The following DGKG variants were observed in gnomAD, a reference collection of about 807,000 sequenced individuals.
DGKG encodes DAG kinase gamma.
A neutral mutation model predicts 105.3 loss-of-function variants in DGKG; 78 were observed. The observed-to-expected ratio is 0.74, with a 90% CI of 0.62 to 0.89. The LOEUF is 0.89. Ranked by LOEUF, DGKG falls within the 40% of genes least tolerant of loss-of-function variation. The probability of loss-of-function intolerance (pLI) is 0.00; values close to 1 mark genes in which losing one functional copy is unlikely to be tolerated. For synonymous variants in DGKG, 346 were observed against 367.1 expected (o/e 0.94, Z 0.66); for missense variants, 958 against 1,020.1 (o/e 0.94, Z 0.83).
At position 186,161,604 on chromosome 3, in the gene DGKG, G is replaced by A. The variant is rs199753031; in HGVS notation, c.2276C>T (p.Thr759Met). 1.8e-5 allele frequency: 29 copies of A among 1,614,166 alleles called. No homozygotes were observed. Among genetic ancestry groups the A allele is most frequent in the Middle Eastern group, 3.3e-4 (2 of 6,062 alleles). Residue 759 changes from threonine to methionine, a missense_variant and splice_region_variant, in exon 24 of 25, where the codon ACG becomes ATG. Coordinates refer to ENST00000265022, the MANE Select transcript of DGKG (RefSeq NM_001346.3). The part of the protein sequence containing the change: ...DGEPWMQPCC[T>M]IKITHKNQAP... The stretch of plus-strand genomic sequence containing the variant: ...ATCTCAAAGATTGGCAAGACTCACC[G>A]TGCAACATGGCTGCATCCAGGGTTC...
rs1321822755 is a variant in DGKG at position 186,227,726 on chromosome 3, G to A, written c.1826+14778C>T. 2.0e-5 allele frequency among the ~76,000 whole-genome samples: 3 copies of A among 152,098 alleles called. No homozygotes were observed. The East Asian group carries it at 5.8e-4, about 29-fold the overall frequency. ...AGTGGGGAGTTAAAATTAATCACTT[G>A]AATCTTTTTTGAGAACATCTATTAC... On this transcript the variant is annotated intron_variant, in intron 20 of 24. Coordinates refer to ENST00000265022, the MANE Select transcript of DGKG (RefSeq NM_001346.3).
chr3:186,316,876 G>A (rs188888197), intron 2 of DGKG, among the ~76,000 whole-genome samples: 11 of 152,310 alleles, frequency 7.2e-5, no homozygotes, highest in Admixed American at 2.6e-4. Flanking sequence ...AATGCAATCC[G>A]ACTGAACACC....
At chr3:186,235,812 C>T (rs776143934) in intron 20 of DGKG, among the ~76,000 whole-genome samples, 13 of 152,078 alleles carry the variant, frequency 8.5e-5, no homozygotes, top group Admixed American at 6.6e-4. Flanking sequence ...AAGAAGTATC[C>T]GTGAGGGAGG....
intron 20 of DGKG, among the ~76,000 whole-genome samples, chr3:186,221,809 T>C (rs1719594747): frequency 6.6e-6 from 1 of 152,194 alleles, no homozygotes; most frequent in South Asian, 2.1e-4. Flanking sequence ...AAGGTGGAAC[T>C]GTCTGGAGGA....
intron 1 of DGKG, among the ~76,000 whole-genome samples, chr3:186,355,359 TACC>T (rs1419704390): frequency 1.7e-5 from 1 of 60,368 alleles, no homozygotes; most frequent in Admixed American, 2.1e-4. Context: ...ACACTACTCC[TACC>T]ACCATGATCA....
intron 1 of DGKG, among the ~76,000 whole-genome samples, chr3:186,340,884 CT>C: frequency 6.6e-6 from 1 of 152,220 alleles, no homozygotes; most frequent in African/African-American, 2.4e-5. Context: ...CATTAAATTC[CT>C]TGTAACAGCA....
chr3:186,304,094 A>G (rs1211631265), intron 3 of DGKG, among the ~76,000 whole-genome samples: 1 of 152,194 alleles, frequency 6.6e-6, no homozygotes, highest in Non-Finnish European at 1.5e-5. Context: ...GCGTGCTCAT[A>G]GCAGCCAAGC....
chr3:186,240,894 G>A (rs963456077), intron 20 of DGKG, among the ~76,000 whole-genome samples: 1 of 151,944 alleles, frequency 6.6e-6, no homozygotes, highest in East Asian at 1.9e-4. Flanking sequence ...TTAAAAAAGT[G>A]GTTTGTGTGT....
intron 9 of DGKG, 133 bp from the exon 10 acceptor site, chr3:186,275,797 A>T: frequency 1.6e-6 from 1 of 611,042 alleles, no homozygotes; most frequent in Non-Finnish European, 2.7e-6. Context: ...ACTGTTTTAA[A>T]TACAAATAAA....
rs141123748 is a variant in DGKG, at chr3:186,205,070, A to T, written c.1917+6725T>A. ...TCAGGAGTTCAAGACCAGCCTGGCC[A>T]ACATGGCGAAACCCCGTCTCTACTA... On this transcript the variant is annotated intron_variant, in intron 21 of 24. Coordinates refer to ENST00000265022, the MANE Select transcript of DGKG (RefSeq NM_001346.3). 5.3e-5 allele frequency among the ~76,000 whole-genome samples: 8 copies of T among 152,208 alleles called. No homozygotes were observed. The East Asian group carries it at 1.4e-3, about 26-fold the overall frequency.
At chr3:186,243,895 G>GTTTTTTTTTTTTTTCTTTTTTTTTTTTT (rs1720804869) in intron 19 of DGKG, among the ~76,000 whole-genome samples, 1 of 116,338 alleles carries the variant, frequency 8.6e-6, no homozygotes, top group African/African-American at 3.6e-5. Context: ...AAATTTCTGT[G>GTTTTTTTTTTTTTTCTTTTTTTTTTTTT]TTTTTTTTTT....
intron 20 of DGKG, among the ~76,000 whole-genome samples, chr3:186,219,332 C>T (rs1719454263): frequency 6.6e-6 from 1 of 152,154 alleles, no homozygotes; most frequent in Admixed American, 6.5e-5. Context: ...CTAATCCACG[C>T]TGCATGCTGT....
At chr3:186,301,189 A>G (rs1723903338) in intron 3 of DGKG, among the ~76,000 whole-genome samples, 1 of 152,140 alleles carries the variant, frequency 6.6e-6, no homozygotes, top group Non-Finnish European at 1.5e-5. Context: ...CTTCTGTTCC[A>G]TACATCTCAC....
At chr3:186,261,557 G>C in intron 15 of DGKG, 142 bp downstream of exon 15, 1 of 688,158 alleles carries the variant, frequency 1.5e-6, no homozygotes, top group South Asian at 1.6e-5. Flanking sequence ...TAAGTCACTT[G>C]GGCCAGGTCA....
intron 2 of DGKG, among the ~76,000 whole-genome samples, chr3:186,311,838 C>T (rs1322695784): frequency 7.7e-5 from 10 of 129,446 alleles, no homozygotes; most frequent in South Asian, 6.6e-4. Flanking sequence ...CAGAGTAGGC[C>T]GGGCGCGGTG....
At chr3:186,277,568 G>A (rs1178102981) in intron 9 of DGKG, among the ~76,000 whole-genome samples, 3 of 152,216 alleles carry the variant, frequency 2.0e-5, no homozygotes, top group African/African-American at 7.2e-5. Flanking sequence ...GGAGCCCAAA[G>A]GATTGTCAGT....
intron 20 of DGKG, among the ~76,000 whole-genome samples, chr3:186,236,341 C>T (rs1022742400): frequency 6.6e-6 from 1 of 152,188 alleles, no homozygotes; most frequent in Non-Finnish European, 1.5e-5. Context: ...AATACTTTAT[C>T]GTCAATTTAA....
intron 22 of DGKG, among the ~76,000 whole-genome samples, chr3:186,168,756 A>G (rs939090032): frequency 6.6e-6 from 1 of 152,226 alleles, no homozygotes; most frequent in African/African-American, 2.4e-5. Flanking sequence ...AGGCTGAGAC[A>G]GGACAATTGC....
chr3:186,240,807 GA>G (rs11311286), intron 20 of DGKG, among the ~76,000 whole-genome samples: 103,315 of 138,830 alleles, frequency 0.74, 40,052 homozygotes, highest in East Asian at 0.99. Context: ...GAAACTCCAT[GA>G]AAAAAAAAAA....
Sources: gnomAD v4.1 joint callset for allele counts (sites outside exome capture counted in the v4.1 genomes callset) on GRCh38, gnomAD v4.1.1 for gene constraint, MANE v1.5 for transcripts, NCBI Gene and HGNC (gene_info 2026-07-23, HGNC 2026-07-21) for gene names.